The following SSBP2 variants were observed in gnomAD, a reference collection of about 807,000 sequenced individuals.
SSBP2 encodes the protein single-stranded DNA-binding protein 2.
A neutral mutation model predicts 61.8 loss-of-function variants in SSBP2; 17 were observed. The observed-to-expected ratio is 0.28, with a 90% CI of 0.19 to 0.41. The LOEUF (loss-of-function observed/expected upper bound fraction) is 0.41. SSBP2 is among the 10% of genes least tolerant of loss of function. The pLI, the probability that SSBP2 is intolerant of heterozygous loss-of-function variation, is 1.00. For missense variants in SSBP2, 310 were observed against 458.7 expected, an observed-to-expected ratio of 0.68 and a Z score of 2.96; for synonymous variants, 139 against 141.3, an observed-to-expected ratio of 0.98 and a Z score of 0.12.
intron 16 of SSBP2, among the ~76,000 whole-genome samples, chr5:81,425,867 G>T (rs1374789280): frequency 2.6e-5 from 4 of 152,124 alleles, no homozygotes; most frequent in Admixed American, 2.6e-4. Context: ...TGAGTGTGAA[G>T]AGACTAGGAT....
intron 1 of SSBP2, among the ~76,000 whole-genome samples, chr5:81,665,553 G>A (rs760319099): frequency 3.3e-5 from 5 of 152,158 alleles, no homozygotes; most frequent in Non-Finnish European, 7.4e-5. Context: ...GAGTGCAGTG[G>A]CGCAATCTTG....
At chr5:81,721,321 T>C (rs1755528896) in intron 1 of SSBP2, among the ~76,000 whole-genome samples, 1 of 152,086 alleles carries the variant, frequency 6.6e-6, no homozygotes, top group African/African-American at 2.4e-5. Flanking sequence ...CTAACTTCTA[T>C]ACAACTCTTC....
At chr5:81,581,361 G>A (rs1170781601) in intron 4 of SSBP2, among the ~76,000 whole-genome samples, 1 of 152,190 alleles carries the variant, frequency 6.6e-6, no homozygotes, top group Non-Finnish European at 1.5e-5. Context: ...GTTTGACTAG[G>A]TGATCCGAAA....
chr5:81,543,210 C>T (rs1333723560), intron 4 of SSBP2, among the ~76,000 whole-genome samples: 1 of 152,096 alleles, frequency 6.6e-6, no homozygotes, highest in African/African-American at 2.4e-5. Flanking sequence ...CTTCCCCTTC[C>T]ACCACGATTG....
intron 16 of SSBP2, among the ~76,000 whole-genome samples, chr5:81,425,910 AC>A (rs1044584084): frequency 3.3e-5 from 5 of 152,210 alleles, no homozygotes; most frequent in African/African-American, 1.2e-4. Flanking sequence ...CTCAATAGAT[AC>A]TTGCTCCCTT....
intron 1 of SSBP2, among the ~76,000 whole-genome samples, chr5:81,680,082 GCCCTGCCACCCCA>G (rs1334082388): frequency 6.6e-6 from 1 of 151,596 alleles, no homozygotes; most frequent in Non-Finnish European, 1.5e-5. Flanking sequence ...CCAACACCTG[GCCCTGCCACCCCA>G]CCCTGTTCTT....
intron 4 of SSBP2, among the ~76,000 whole-genome samples, chr5:81,589,829 T>C (rs1322707863): frequency 1.3e-5 from 2 of 151,942 alleles, no homozygotes; most frequent in East Asian, 3.9e-4. Flanking sequence ...CAACATAACA[T>C]GGCAGACACC....
chr5:81,610,765 G>T (rs79206618), intron 4 of SSBP2, among the ~76,000 whole-genome samples: 1 of 152,122 alleles, frequency 6.6e-6, no homozygotes. Flanking sequence ...AGGCTGAGGT[G>T]GGCAGATCAC....
At chr5:81,642,853 AT>A (rs1748911533) in intron 2 of SSBP2, among the ~76,000 whole-genome samples, 1 of 152,238 alleles carries the variant, frequency 6.6e-6, no homozygotes, top group African/African-American at 2.4e-5. Flanking sequence ...ATAAGCTAAC[AT>A]TTGTACAAAA....
chr5:81,429,833 C>G (rs1231547986), intron 15 of SSBP2, among the ~76,000 whole-genome samples: 1 of 152,124 alleles, frequency 6.6e-6, no homozygotes, highest in African/African-American at 2.4e-5. Flanking sequence ...GATAGATGAG[C>G]TGGTAGAAAT....
chr5:81,678,437 A>T (rs1390652949), intron 1 of SSBP2, among the ~76,000 whole-genome samples: 1 of 152,158 alleles, frequency 6.6e-6, no homozygotes, highest in East Asian at 1.9e-4. Context: ...AACTATAAAA[A>T]TTTTAACATA....
rs538740691 is a variant in SSBP2, at chr5:81,703,078, T to C, written c.62+47903A>G. 3.9e-5 allele frequency among the ~76,000 whole-genome samples: 6 copies of C among 152,342 alleles called. No homozygotes were observed. The East Asian group carries it at 1.2e-3, about 29-fold the overall frequency. On this transcript the variant is annotated intron_variant, in intron 1 of 16. Transcript: ENST00000320672. ...TGCCCATATCTTATTCAGTATTCTT[T>C]GTGTGGTGGCTACTTTGCTAAAGTG...
intron 1 of SSBP2, among the ~76,000 whole-genome samples, chr5:81,655,465 T>C (rs1358215876): frequency 2.0e-5 from 3 of 152,164 alleles, no homozygotes; most frequent in Non-Finnish European, 4.4e-5. Flanking sequence ...GATTAATGGA[T>C]CATACATCTT....
At chr5:81,594,027 A>G (rs1264359313) in intron 4 of SSBP2, among the ~76,000 whole-genome samples, 1 of 152,206 alleles carries the variant, frequency 6.6e-6, no homozygotes, top group African/African-American at 2.4e-5. Flanking sequence ...AAATGCTTCA[A>G]TTAAAAGACA....
chr5:81,593,760 G>A (rs535460525), intron 4 of SSBP2, among the ~76,000 whole-genome samples: 1 of 152,272 alleles, frequency 6.6e-6, no homozygotes, highest in Non-Finnish European at 1.5e-5. Flanking sequence ...AAGTGAAGGA[G>A]AAATAAAATC....
intron 4 of SSBP2, among the ~76,000 whole-genome samples, chr5:81,516,452 A>G (rs1451493026): frequency 6.6e-6 from 1 of 152,086 alleles, no homozygotes; most frequent in Non-Finnish European, 1.5e-5. Context: ...AGTGTGCTGA[A>G]TGCTGGTAAT....
chr5:81,627,685 T>C (rs143954398), intron 3 of SSBP2, among the ~76,000 whole-genome samples: 2 of 152,348 alleles, frequency 1.3e-5, no homozygotes, highest in African/African-American at 4.8e-5. Flanking sequence ...CAATGTTATA[T>C]ATATTTGATT....
intron 1 of SSBP2, among the ~76,000 whole-genome samples, chr5:81,709,874 TTGTC>T (rs1339217433): frequency 2.0e-5 from 3 of 152,002 alleles, no homozygotes; most frequent in African/African-American, 4.8e-5. Flanking sequence ...AGAAGTCAGT[TTGTC>T]TGGGATGCAG....
chr5:81,597,303 C>G (rs1743863431), intron 4 of SSBP2, among the ~76,000 whole-genome samples: 1 of 152,172 alleles, frequency 6.6e-6, no homozygotes, highest in African/African-American at 2.4e-5. Flanking sequence ...ATCAAAACCA[C>G]AATGAGATAC....
Sources: gnomAD v4.1 joint callset for allele counts (sites outside exome capture counted in the v4.1 genomes callset) on GRCh38, gnomAD v4.1.1 for gene constraint, MANE v1.5 for transcripts, NCBI Gene and HGNC (gene_info 2026-07-23, HGNC 2026-07-21) for gene names.